The following IQCH variants were observed in gnomAD, a reference collection of about 807,000 sequenced individuals.
The protein encoded by IQCH is IQ domain-containing protein H.
In IQCH, 98 loss-of-function variants were observed where a neutral mutation model predicts 117.0. That is an observed-to-expected ratio of 0.84 (90% CI 0.71 to 0.99). IQCH has a LOEUF of 0.99. Ranked by LOEUF, IQCH falls within the 50% of genes least tolerant of loss-of-function variation. The pLI is 0.00. For synonymous variants in IQCH, 412 were observed against 448.2 expected (o/e 0.92, Z 1.02); for missense variants, 1,102 against 1,243.8 (o/e 0.89, Z 1.72).
chr15:67,375,561 T>A (rs1002128618), intron 10 of IQCH, among the ~76,000 whole-genome samples: 1 of 152,140 alleles, frequency 6.6e-6, no homozygotes, highest in African/African-American at 2.4e-5. Flanking sequence ...AATAAATACA[T>A]AATAAATATG....
intron 4 of IQCH, among the ~76,000 whole-genome samples, chr15:67,308,072 G>A (rs1361056336): frequency 1.3e-5 from 2 of 152,134 alleles, no homozygotes; most frequent in African/African-American, 4.8e-5. Context: ...AGCTGTCTCC[G>A]GACAAGAATG....
In IQCH at chr15:67,395,567, T is replaced by G; in HGVS notation, c.1905+4T>G. 1 of 1,612,924 alleles carries G rather than the reference T, an allele frequency of 6.2e-7. No homozygotes were observed. Among genetic ancestry groups the G allele is most frequent in the Non-Finnish European group, 8.5e-7 (1 of 1,179,148 alleles). The stretch of plus-strand genomic sequence containing the variant: ...TGATATTTATAGTCAGCAACAGGTA[T>G]GTGGGGTGGACAAGTGAAGCTCTGT... On this transcript the variant is annotated splice_donor_region_variant and intron_variant, in intron 13 of 20. Transcript: ENST00000335894. The surrounding 1 kb of genome is among the most constrained non-coding windows in gnomAD (Gnocchi z 4.0).
At position 67,424,502 on chromosome 15, in the gene IQCH, G is replaced by A. The variant is rs375573864; in HGVS notation, c.2505+2925G>A. Among the ~76,000 whole-genome samples the A allele has an allele frequency of 3.9e-5, 6 of 152,038 alleles. No individual in the cohort carries two copies. Among genetic ancestry groups the A allele is most frequent in the East Asian group, 3.8e-4 (2 of 5,196 alleles). On this transcript the variant is annotated intron_variant, in intron 16 of 20. Transcript: ENST00000335894. The surrounding 1 kb of genome is among the most constrained non-coding windows in gnomAD (Gnocchi z 4.9). ...CTATTAATTGTAAGCTCTTTTAAGC[G>A]ATGTGCTGTGTTTCTTTTTGCTCCC...
At chr15:67,309,280 A>C (rs887097823) in intron 4 of IQCH, among the ~76,000 whole-genome samples, 7 of 152,128 alleles carry the variant, frequency 4.6e-5, no homozygotes, top group African/African-American at 1.7e-4. Flanking sequence ...CATTTAAAAC[A>C]TATTATTGTA....
intron 3 of IQCH, among the ~76,000 whole-genome samples, chr15:67,275,957 T>C (rs955839553): frequency 5.3e-5 from 8 of 152,256 alleles, no homozygotes; most frequent in African/African-American, 1.7e-4. Context: ...TATACATTAA[T>C]GTCTGTATAA....
At chr15:67,262,167 C>T (rs1258236223) in intron 2 of IQCH, among the ~76,000 whole-genome samples, 1 of 151,730 alleles carries the variant, frequency 6.6e-6, no homozygotes, top group South Asian at 2.1e-4. Context: ...GTTTTTGTAA[C>T]GTTATAATCA....
At chr15:67,322,611 G>A (rs1968189650) in intron 4 of IQCH, among the ~76,000 whole-genome samples, 1 of 152,168 alleles carries the variant, frequency 6.6e-6, no homozygotes, top group African/African-American at 2.4e-5. Flanking sequence ...CGCTGGAGGT[G>A]CCCTGCCCAC....
chr15:67,357,202 T>C (rs1596249593), intron 6 of IQCH, 143 bp from the exon 7 acceptor site: 5 of 640,812 alleles, frequency 7.8e-6, no homozygotes, highest in Non-Finnish European at 1.1e-5. Flanking sequence ...AGCTGTTTCA[T>C]TGAATGAATA....
chr15:67,487,886 C>G (rs1430548609), intron 18 of IQCH, among the ~76,000 whole-genome samples: 1 of 152,016 alleles, frequency 6.6e-6, no homozygotes, highest in Non-Finnish European at 1.5e-5. Flanking sequence ...GGCATTTCCA[C>G]TGTTGGACAA....
intron 3 of IQCH, among the ~76,000 whole-genome samples, chr15:67,272,982 CTCTT>C (rs1373301816): frequency 6.6e-6 from 1 of 151,934 alleles, no homozygotes; most frequent in Admixed American, 6.5e-5. Flanking sequence ...TGTAAATTCT[CTCTT>C]CCTTTCTTAC....
At chr15:67,470,327 G>A (rs2083039434) in intron 17 of IQCH, among the ~76,000 whole-genome samples, 1 of 152,066 alleles carries the variant, frequency 6.6e-6, no homozygotes, top group South Asian at 2.1e-4. Flanking sequence ...ACAGGCGCCC[G>A]CGACCATGCC....
intron 16 of IQCH, among the ~76,000 whole-genome samples, chr15:67,440,675 G>A (rs761766526): frequency 1.3e-5 from 2 of 152,180 alleles, no homozygotes; most frequent in Non-Finnish European, 2.9e-5. Context: ...ATTCCTTTAT[G>A]ATTAAAACTG....
rs2082053017 is a variant in IQCH, at chr15:67,433,129, G to A, written c.2505+11552G>A. Among the ~76,000 whole-genome samples the A allele has an allele frequency of 6.6e-6, 1 of 152,212 alleles. No homozygotes were observed. The highest frequency in any genetic ancestry group is 2.1e-4 in the South Asian group (1 of 4,826). ...ATTGTTAATCACAAGTTAATGCCTA[G>A]TGAAGGGAAAATACATCCCAAAGGA... On this transcript the variant is annotated intron_variant, in intron 16 of 20. Coordinates refer to ENST00000335894, the MANE Select transcript of IQCH (RefSeq NM_001031715.3). This position sits in a 1 kb window ranked among gnomAD's most constrained non-coding sequence, Gnocchi z 5.4.
chr15:67,323,212 ATTC>A (rs1312547171), intron 4 of IQCH, among the ~76,000 whole-genome samples: 1 of 128,660 alleles, frequency 7.8e-6, no homozygotes. Context: ...TTTGTTCCTT[ATTC>A]TTTGTTTTCT....
chr15:67,470,013 GA>G (rs2083028748), intron 17 of IQCH, among the ~76,000 whole-genome samples: 1 of 152,192 alleles, frequency 6.6e-6, no homozygotes, highest in African/African-American at 2.4e-5. Flanking sequence ...GCTCTTCTTT[GA>G]AAAGAGGATG....
chr15:67,454,152 G>A lies in IQCH; in HGVS notation c.2506-10975G>A, dbSNP rs2082601537. Among the ~76,000 whole-genome samples, 1 of 152,204 alleles carries A rather than the reference G, an allele frequency of 6.6e-6. No homozygotes were observed. The highest frequency in any genetic ancestry group is 2.1e-4 in the South Asian group (1 of 4,834). ...TCACTCCTTTCTTTGACTAGGAAAG[G>A]GAATTCCCTGACCCCTTGCGCTTCC... On this transcript the variant is annotated intron_variant, in intron 16 of 20. Transcript: ENST00000335894. This position sits in a 1 kb window ranked among gnomAD's most constrained non-coding sequence, Gnocchi z 5.2.
At chr15:67,360,460 A>T (rs1970086599) in intron 8 of IQCH, among the ~76,000 whole-genome samples, 1 of 152,210 alleles carries the variant, frequency 6.6e-6, no homozygotes, top group Non-Finnish European at 1.5e-5. Flanking sequence ...ATGGGTAATA[A>T]AAGTCCTGAA....
chr15:67,314,858 C>T (rs1221389778), intron 4 of IQCH, among the ~76,000 whole-genome samples: 2 of 152,094 alleles, frequency 1.3e-5, no homozygotes, highest in African/African-American at 2.4e-5. Flanking sequence ...CTGTGTAGTT[C>T]GAAGAAAATA....
chr15:67,470,164 G>GT (rs1201707046), intron 17 of IQCH, among the ~76,000 whole-genome samples: 1 of 152,076 alleles, frequency 6.6e-6, no homozygotes, highest in African/African-American at 2.4e-5. Context: ...GAGTCTTAGG[G>GT]TTTTTTTGTT....
Sources: allele counts gnomAD v4.1 joint callset (sites outside exome capture counted in the v4.1 genomes callset), GRCh38; gene constraint gnomAD v4.1.1; non-coding constraint Gnocchi (gnomAD v3.1); transcripts MANE v1.5; gene names NCBI Gene and HGNC (gene_info 2026-07-23, HGNC 2026-07-21).